LAMC1: variants seen among roughly 807,000 people sequenced by gnomAD.
The protein encoded by LAMC1 is laminin subunit gamma-1.
A neutral mutation model predicts 173.6 loss-of-function variants in LAMC1; 38 were observed. The observed-to-expected ratio is 0.22, with a 90% CI of 0.17 to 0.29. The LOEUF is 0.29. Ranked by LOEUF, LAMC1 falls within the 10% of genes least tolerant of loss-of-function variation. LAMC1 has a pLI of 1.00. For synonymous variants in LAMC1, 746 were observed against 749.1 expected (o/e 1.00, Z 0.07); for missense variants, 1,824 against 2,051.8 (o/e 0.89, Z 2.14).
At chr1:183,069,865 G>A (rs1241619969) in intron 1 of LAMC1, among the ~76,000 whole-genome samples, 1 of 152,208 alleles carries the variant, frequency 6.6e-6, no homozygotes, top group African/African-American at 2.4e-5. Flanking sequence ...GCCAGCACCA[G>A]TGGACCATCA....
intron 1 of LAMC1, among the ~76,000 whole-genome samples, chr1:183,028,216 A>T (rs531118598): frequency 6.7e-6 from 1 of 148,726 alleles, no homozygotes; most frequent in Non-Finnish European, 1.5e-5. Flanking sequence ...AGTTTTGACT[A>T]TTTCAGTTCT....
At position 183,110,589 on chromosome 1, in the gene LAMC1, G is replaced by C; in HGVS notation, c.956G>C (p.Cys319Ser). ...HNTYGVDCEK[C>S]LPFFNDRPWR... ...ACATATGGAGTAGACTGTGAAAAGT[G>C]TCTTCCTTTCTTCAATGACCGGCCG... The change falls in exon 4 of 28, where the codon TGT (cysteine) becomes TCT (serine). Residue 319 changes from cysteine (C) to serine (S), a missense_variant. Coordinates refer to ENST00000258341, the MANE Select transcript of LAMC1 (RefSeq NM_002293.4). 1 of 1,614,114 alleles carries C rather than the reference G, an allele frequency of 6.2e-7. No individual in the cohort carries two copies. The highest frequency in any genetic ancestry group is 8.5e-7 in the Non-Finnish European group (1 of 1,179,980).
intron 1 of LAMC1, among the ~76,000 whole-genome samples, chr1:183,093,137 C>G (rs762405111): frequency 4.6e-5 from 7 of 152,076 alleles, no homozygotes; most frequent in Admixed American, 2.0e-4. Context: ...TAGGGCTCTC[C>G]CCTGTCTCTA....
Position 183,117,488 on chromosome 1 carries a change from T to TAGTCTC in LAMC1, c.1688-38_1688-33dup, listed in dbSNP as rs375088879. Reference sequence around the variant, plus strand: ...GTCTGACCTGCTGTGTGCCTCTGTTTAGTCTCAGTCTCACATTCTTGCCCA... The same window carrying TAGTCTC: ...GTCTGACCTGCTGTGTGCCTCTGTTTAGTCTCAGTCTCAGTCTCACATTCTTGCCCA... On this transcript the variant is annotated intron_variant, in intron 9 of 27. Coordinates refer to ENST00000258341, the MANE Select transcript of LAMC1 (RefSeq NM_002293.4). 51 of 1,611,606 alleles carry TAGTCTC rather than the reference T, an allele frequency of 3.2e-5. No homozygotes were observed. In the African/African-American group the frequency reaches 6.0e-4, roughly 19 times the overall value.
chr1:183,103,048 A>T (rs181919310), intron 1 of LAMC1, among the ~76,000 whole-genome samples: 1 of 152,368 alleles, frequency 6.6e-6, no homozygotes, highest in East Asian at 1.9e-4. Context: ...AATTAATAGT[A>T]TAAGTACAGT....
intron 19 of LAMC1, among the ~76,000 whole-genome samples, chr1:183,131,047 G>A (rs1385925938): frequency 1.3e-5 from 2 of 152,042 alleles, no homozygotes; most frequent in Admixed American, 6.6e-5. Flanking sequence ...GGTGGTGCAT[G>A]CCTGTAATCC....
Position 183,127,410 on chromosome 1 carries a change from C to G in LAMC1, c.3123+6C>G. ...ACCGGCTGGTAAAGGATAAGGTAAG[C>G]TGTCAATAGTGCATTCATTCATTCA... On this transcript the variant is annotated splice_donor_region_variant and intron_variant, in intron 17 of 27. Coordinates refer to ENST00000258341, the MANE Select transcript of LAMC1 (RefSeq NM_002293.4). The G allele has an allele frequency of 6.2e-7, 1 of 1,613,516 alleles. No homozygotes were observed. The highest frequency in any genetic ancestry group is 8.5e-7 in the Non-Finnish European group (1 of 1,179,578).
chr1:183,114,090 CAG>C (rs1165013617), intron 4 of LAMC1, among the ~76,000 whole-genome samples: 5 of 152,030 alleles, frequency 3.3e-5, no homozygotes, highest in African/African-American at 1.2e-4. Flanking sequence ...GTTTTTGAGA[CAG>C]AGTTTTAGCT....
At chr1:183,104,460 G>A (rs951667897) in intron 2 of LAMC1, among the ~76,000 whole-genome samples, 1 of 152,226 alleles carries the variant, frequency 6.6e-6, no homozygotes, top group African/African-American at 2.4e-5. Flanking sequence ...AATTGGAGAT[G>A]CTGCTGCATG....
At chr1:183,036,566 C>T (rs543900676) in intron 1 of LAMC1, among the ~76,000 whole-genome samples, 1 of 151,798 alleles carries the variant, frequency 6.6e-6, no homozygotes, top group Non-Finnish European at 1.5e-5. Flanking sequence ...CCACACCCAG[C>T]TAATTTTTGT....
Position 183,024,026 on chromosome 1 carries a change from G to A in LAMC1, c.310G>A (p.Ala104Thr). ...AGQPHLQHGAAFLTDYNNQAD... is the reference protein window; with the variant it reads ...AGQPHLQHGATFLTDYNNQAD... The stretch of plus-strand genomic sequence containing the variant: ...GCAGCCCCACCTGCAGCACGGGGCA[G>A]CCTTCCTGACCGACTACAACAACCA... The change falls in exon 1 of 28, where the codon GCC (alanine) becomes ACC (threonine). Residue 104 changes from alanine to threonine, a missense_variant. By Grantham distance (58) the Ala-to-Thr change is moderately conservative. Coordinates refer to ENST00000258341, the MANE Select transcript of LAMC1 (RefSeq NM_002293.4). 1 of 1,613,080 alleles carries A rather than the reference G, an allele frequency of 6.2e-7. No homozygotes were observed. Among genetic ancestry groups the A allele is most frequent in the South Asian group, 1.1e-5 (1 of 90,988 alleles).
chr1:183,102,115 G>A (rs1655852650), intron 1 of LAMC1, among the ~76,000 whole-genome samples: 1 of 152,140 alleles, frequency 6.6e-6, no homozygotes, highest in South Asian at 2.1e-4. Flanking sequence ...ACTCCAGCCG[G>A]CAGCCAGAGA....
chr1:183,136,590 G>A lies in LAMC1; in HGVS notation c.4314+5G>A. 2 of 1,587,534 alleles carry A rather than the reference G, an allele frequency of 1.3e-6. No homozygotes were observed. Among genetic ancestry groups the A allele is most frequent in the Non-Finnish European group, 8.6e-7 (1 of 1,165,414 alleles). On this transcript the variant is annotated splice_donor_5th_base_variant and intron_variant, in intron 25 of 27. Coordinates refer to ENST00000258341, the MANE Select transcript of LAMC1 (RefSeq NM_002293.4). Reference sequence around the variant, plus strand: ...ATCGCGAGCGCTGTCCAAAAGGTGTGCGTTTCCTCTTCTCCAAGAGTCCCT... The same window carrying A: ...ATCGCGAGCGCTGTCCAAAAGGTGTACGTTTCCTCTTCTCCAAGAGTCCCT...
chr1:183,142,025 A>G (rs572942969), intron 27 of LAMC1, among the ~76,000 whole-genome samples: 15 of 152,290 alleles, frequency 9.8e-5, no homozygotes, highest in Admixed American at 7.2e-4. Context: ...ACTCCTGGCC[A>G]TTTTCCATAG....
rs184104982 is a variant in LAMC1, at chr1:183,024,837, C to T, written c.418+703C>T. 6.1e-4 allele frequency among the ~76,000 whole-genome samples: 93 copies of T among 152,308 alleles called. 2 individuals are homozygous for T. The East Asian group carries it at 0.01, about 16-fold the overall frequency. On this transcript the variant is annotated intron_variant, in intron 1 of 27. Coordinates refer to ENST00000258341, the MANE Select transcript of LAMC1 (RefSeq NM_002293.4). ...AAAAGGCTCTCCTTTACTGTCTTCCCTTTTGCTTTCATTCAAAGCAACTGT... is the reference window on the plus strand; with the variant it reads ...AAAAGGCTCTCCTTTACTGTCTTCCTTTTTGCTTTCATTCAAAGCAACTGT...
chr1:183,040,548 T>C (rs984488072), intron 1 of LAMC1, among the ~76,000 whole-genome samples: 6 of 151,990 alleles, frequency 3.9e-5, no homozygotes, highest in African/African-American at 1.5e-4. Flanking sequence ...CTTCGTAAAA[T>C]AGAAGTGGAG....
At chr1:183,076,031 G>T (rs972001327) in intron 1 of LAMC1, among the ~76,000 whole-genome samples, 3 of 152,214 alleles carry the variant, frequency 2.0e-5, no homozygotes, top group African/African-American at 7.2e-5. Context: ...TTGACATTAT[G>T]TTGTCTGGTC....
chr1:183,085,141 T>C (rs1571430295), intron 1 of LAMC1, among the ~76,000 whole-genome samples: 1 of 151,252 alleles, frequency 6.6e-6, no homozygotes, highest in South Asian at 2.1e-4. Context: ...TGCTTGAACC[T>C]AGGAGGTGGG....
chr1:183,073,757 C>T (rs1558039518), intron 1 of LAMC1, among the ~76,000 whole-genome samples: 1 of 151,986 alleles, frequency 6.6e-6, no homozygotes. Context: ...TGGTTAGGCA[C>T]ATTAAAAAAT....
Sources: gnomAD v4.1 joint callset for allele counts (sites outside exome capture counted in the v4.1 genomes callset) on GRCh38, gnomAD v4.1.1 for gene constraint, MANE v1.5 for transcripts, NCBI Gene and HGNC (gene_info 2026-07-23, HGNC 2026-07-21) for gene names.